Variants in FOXP2 observed in about 807,000 individuals in gnomAD.
FOXP2 encodes forkhead box protein P2.
FOXP2 carries 12 observed loss-of-function variants against 115.8 expected under a neutral mutation model. That is an observed-to-expected ratio of 0.10 (90% CI 0.07 to 0.17). The LOEUF (loss-of-function observed/expected upper bound fraction) is 0.17, where lower values mean the gene tolerates loss of function less well. FOXP2 is among the 10% of genes least tolerant of loss of function. FOXP2 has a pLI of 1.00. For synonymous variants in FOXP2, 328 were observed against 297.7 expected, an observed-to-expected ratio of 1.10 and a Z score of -1.05; for missense variants, 629 against 843.5, an observed-to-expected ratio of 0.75 and a Z score of 3.15.
intron 16 of FOXP2, among the ~76,000 whole-genome samples, chr7:114,684,455 G>T (rs994725290): frequency 6.6e-6 from 1 of 152,152 alleles, no homozygotes; most frequent in African/African-American, 2.4e-5. Context: ...AATGCTTATT[G>T]ACTTGAAGGC....
intron 2 of FOXP2, among the ~76,000 whole-genome samples, chr7:114,478,281 C>G (rs930703555): frequency 6.6e-6 from 1 of 151,672 alleles, no homozygotes; most frequent in Non-Finnish European, 1.5e-5. Flanking sequence ...CCTCTTGGAT[C>G]TCTTTTAGGG....
At chr7:114,470,863 G>A (rs917056805) in intron 2 of FOXP2, among the ~76,000 whole-genome samples, 1 of 151,700 alleles carries the variant, frequency 6.6e-6, no homozygotes, top group African/African-American at 2.4e-5. Flanking sequence ...ATTTCCCTTT[G>A]TGTTCTTGTT....
chr7:114,637,423 A>C (rs1805281008), intron 6 of FOXP2, among the ~76,000 whole-genome samples: 1 of 152,148 alleles, frequency 6.6e-6, no homozygotes, highest in South Asian at 2.1e-4. Context: ...AGAGAAACCG[A>C]ATAATCTTCA....
chr7:114,189,660 A>G (rs1394836447), intron 1 of FOXP2, among the ~76,000 whole-genome samples: 1 of 152,178 alleles, frequency 6.6e-6, no homozygotes, highest in Non-Finnish European at 1.5e-5. Context: ...ATATATAGTT[A>G]ATATATAGTT....
chr7:114,519,737 A>G (rs890481733), intron 2 of FOXP2, among the ~76,000 whole-genome samples: 1 of 152,100 alleles, frequency 6.6e-6, no homozygotes, highest in African/African-American at 2.4e-5. Context: ...TCTCCCTTCT[A>G]TGGAATAGGT....
chr7:114,463,920 G>A (rs1795695277), intron 2 of FOXP2, among the ~76,000 whole-genome samples: 1 of 152,170 alleles, frequency 6.6e-6, no homozygotes, highest in South Asian at 2.1e-4. Flanking sequence ...CTAACAAAGA[G>A]AGAGACAGTG....
At chr7:114,615,454 T>G (rs553355135) in intron 3 of FOXP2, among the ~76,000 whole-genome samples, 51 of 152,218 alleles carry the variant, frequency 3.4e-4, no homozygotes, top group Non-Finnish European at 6.2e-4. Context: ...CATAGAACAT[T>G]GTCTCATGAT....
At chr7:114,116,496 ATT>A (rs1791411357) in intron 1 of FOXP2, among the ~76,000 whole-genome samples, 3 of 152,170 alleles carry the variant, frequency 2.0e-5, no homozygotes, top group Admixed American at 1.3e-4. Context: ...TTGAATTTAA[ATT>A]TTGATAACAT....
chr7:114,627,318 A>G (rs1804645932), intron 3 of FOXP2, among the ~76,000 whole-genome samples: 2 of 152,012 alleles, frequency 1.3e-5, no homozygotes, highest in Admixed American at 1.3e-4. Flanking sequence ...TGCCCAATAA[A>G]TTTGTTCTAA....
intron 3 of FOXP2, among the ~76,000 whole-genome samples, chr7:114,579,287 G>T (rs1182085151): frequency 6.6e-6 from 1 of 152,064 alleles, no homozygotes; most frequent in African/African-American, 2.4e-5. Flanking sequence ...TGCTTGGATT[G>T]ATCAGATAAA....
chr7:114,495,040 C>T (rs1797244877), intron 2 of FOXP2, among the ~76,000 whole-genome samples: 1 of 152,190 alleles, frequency 6.6e-6, no homozygotes. Flanking sequence ...GCATTACACA[C>T]ACAATCAGTT....
chr7:114,123,514 CTA>C (rs1791624319), intron 1 of FOXP2, among the ~76,000 whole-genome samples: 1 of 151,804 alleles, frequency 6.6e-6, no homozygotes, highest in Non-Finnish European at 1.5e-5. Flanking sequence ...GAAAAGGCAA[CTA>C]TAATAAATTT....
chr7:114,166,732 A>G (rs1373673868), intron 1 of FOXP2, among the ~76,000 whole-genome samples: 1 of 152,148 alleles, frequency 6.6e-6, no homozygotes, highest in Non-Finnish European at 1.5e-5. Flanking sequence ...TAAAATAAGA[A>G]AACATGTAAC....
chr7:114,098,168 A>C (rs1247175553), intron 1 of FOXP2, among the ~76,000 whole-genome samples: 1 of 152,202 alleles, frequency 6.6e-6, no homozygotes, highest in East Asian at 1.9e-4. Flanking sequence ...CGGGGAGACG[A>C]TAAGCCTGGA....
At chr7:114,442,241 T>C (rs1169306133) in intron 2 of FOXP2, among the ~76,000 whole-genome samples, 4 of 152,186 alleles carry the variant, frequency 2.6e-5, no homozygotes, top group Non-Finnish European at 5.9e-5. Context: ...TTTATAATTC[T>C]ATTTGTATGA....
At chr7:114,242,596 A>G (rs1364576413) in intron 1 of FOXP2, among the ~76,000 whole-genome samples, 1 of 152,164 alleles carries the variant, frequency 6.6e-6, no homozygotes, top group Non-Finnish European at 1.5e-5. Context: ...TTCTGACTGG[A>G]ATCCTTATCG....
At chr7:114,375,434 G>A (rs1396566614) in intron 2 of FOXP2, among the ~76,000 whole-genome samples, 1 of 152,110 alleles carries the variant, frequency 6.6e-6, no homozygotes, top group Non-Finnish European at 1.5e-5. Context: ...TTGTGTCCCA[G>A]AGACACAAAA....
chr7:114,248,974 A>C (rs534485594), intron 1 of FOXP2, among the ~76,000 whole-genome samples: 80 of 152,262 alleles, frequency 5.3e-4, no homozygotes, highest in African/African-American at 1.6e-3. Context: ...ATTCAGAAAT[A>C]TTTACTGTTC....
At chr7:114,605,960 G>T (rs2129315840) in intron 3 of FOXP2, among the ~76,000 whole-genome samples, 1 of 152,268 alleles carries the variant, frequency 6.6e-6, no homozygotes, top group South Asian at 2.1e-4. Context: ...GACATTAGAA[G>T]CCTGGAGACC....
Sources: allele counts gnomAD v4.1 joint callset (sites outside exome capture counted in the v4.1 genomes callset), GRCh38; gene constraint gnomAD v4.1.1; transcripts MANE v1.5; gene names NCBI Gene and HGNC (gene_info 2026-07-23, HGNC 2026-07-21).